The following CRAMP1 variants were observed in gnomAD, a reference collection of about 807,000 sequenced individuals.
The protein encoded by CRAMP1 is cramped chromatin regulator 1.
Under a neutral mutation model 115.4 loss-of-function variants are expected in CRAMP1, and 50 were observed. The ratio of observed to expected loss-of-function variants is 0.43; its 90% CI spans 0.35 to 0.55. The LOEUF is 0.55. Among genes scored for constraint, CRAMP1 ranks in the 20% least tolerant of loss-of-function variants. CRAMP1 has a pLI of 0.01. For synonymous variants in CRAMP1, 866 were observed against 745.4 expected (o/e 1.16, Z -2.64); for missense variants, 1,679 against 1,721.7 (o/e 0.98, Z 0.44).
At chr16:1,650,067 G>A (rs1051046619) in intron 6 of CRAMP1, among the ~76,000 whole-genome samples, 74 of 152,052 alleles carry the variant, frequency 4.9e-4, no homozygotes, top group African/African-American at 1.8e-3. Flanking sequence ...GTGCTGGGAT[G>A]ACAGGCGTGA....
chr16:1,656,362 C>G lies in CRAMP1; in HGVS notation c.1605C>G (p.Thr535=). Residue 535 remains threonine (T), a synonymous_variant, in exon 10 of 21, where the codon ACC becomes ACG. Coordinates refer to ENST00000397412, the MANE Select transcript of CRAMP1 (RefSeq NM_020825.4). This position sits in a 1 kb window ranked among gnomAD's most constrained non-coding sequence, Gnocchi z 5.6. ...KTPAEGRDSP[T]REPGALPCAC... ...CTGCAGAAGGCAGGGACAGTCCCAC[C>G]CGGGAGCCAGGGGCCTTGCCGTGTG... The G allele has an allele frequency of 6.2e-7, 1 of 1,603,172 alleles. No individual in the cohort carries two copies.
intron 5 of CRAMP1, among the ~76,000 whole-genome samples, chr16:1,639,935 A>C (rs1175867534): frequency 6.6e-6 from 1 of 152,186 alleles, no homozygotes; most frequent in African/African-American, 2.4e-5. Context: ...GATGAAAATA[A>C]ATGACTTGAT....
chr16:1,643,044 T>C (rs983044775), intron 6 of CRAMP1, among the ~76,000 whole-genome samples: 3 of 151,912 alleles, frequency 2.0e-5, no homozygotes, highest in African/African-American at 7.3e-5. Context: ...GGTAGTAGCT[T>C]TGTGGAGGTC....
At chr16:1,673,785 G>A in intron 20 of CRAMP1, 96 bp from the exon 21 acceptor site, 1 of 1,152,396 alleles carries the variant, frequency 8.7e-7, no homozygotes, top group Non-Finnish European at 1.3e-6. Context: ...TGCAGCGGGA[G>A]TCGATAGGAG....
At chr16:1,635,225 C>T (rs931519996) in intron 4 of CRAMP1, among the ~76,000 whole-genome samples, 7 of 151,906 alleles carry the variant, frequency 4.6e-5, no homozygotes, top group Non-Finnish European at 8.8e-5. Flanking sequence ...AAGAGCACAC[C>T]GTGTGCACTT....
At chr16:1,657,791 C>G (rs1306622931) in intron 10 of CRAMP1, among the ~76,000 whole-genome samples, 1 of 152,174 alleles carries the variant, frequency 6.6e-6, no homozygotes, top group East Asian at 1.9e-4. Context: ...TCTCTGGGTG[C>G]AAGAGAGCAA....
At position 1,671,324 on chromosome 16, in the gene CRAMP1, A is replaced by G. The variant is rs2036920273; in HGVS notation, c.3645+515A>G. 6.6e-6 allele frequency among the ~76,000 whole-genome samples: 1 copy of G among 152,128 alleles called. No homozygotes were observed. The highest frequency in any genetic ancestry group is 1.5e-5 in the Non-Finnish European group (1 of 68,006). ...CTCATGCTTCTCCCACGCCCAGGGTAGTGATAGGAGGAGTCACTGGGGCAG... is the reference window on the plus strand; with the variant it reads ...CTCATGCTTCTCCCACGCCCAGGGTGGTGATAGGAGGAGTCACTGGGGCAG... On this transcript the variant is annotated intron_variant, in intron 20 of 20. Coordinates refer to ENST00000397412, the MANE Select transcript of CRAMP1 (RefSeq NM_020825.4). The surrounding 1 kb of genome is among the most constrained non-coding windows in gnomAD (Gnocchi z 5.0).
chr16:1,661,291 C>T (rs1379683781), intron 11 of CRAMP1, among the ~76,000 whole-genome samples: 2 of 152,184 alleles, frequency 1.3e-5, no homozygotes, highest in African/African-American at 4.8e-5. Context: ...CACTGCACTC[C>T]AGCCTGGGTG....
In CRAMP1 at chr16:1,626,235, C is replaced by T. The variant is rs753693084; in HGVS notation, c.540+69C>T. On this transcript the variant is annotated intron_variant, in intron 3 of 20. Coordinates refer to ENST00000397412, the MANE Select transcript of CRAMP1 (RefSeq NM_020825.4). ...TCTCGGATCCCTGCCCTCCGTTCCC[C>T]GTGCTTCCTCTTTGCTGTTAGATTC... 58 of 1,347,402 alleles carry T rather than the reference C, an allele frequency of 4.3e-5. 1 individual carries two copies. The highest frequency in any genetic ancestry group is 2.4e-4 in the Admixed American group (8 of 33,894). The allele number at this position is 1,347,402 out of a possible 1,614,324, so 83.5% of individuals were successfully genotyped here. A position where few individuals can be genotyped will look rare whatever the true frequency, so the allele number is the denominator to read the frequency against.
At position 1,668,132 on chromosome 16, in the gene CRAMP1, C is replaced by T. The variant is rs1408059067; in HGVS notation, c.3273C>T (p.Gly1091=). Residue 1091 remains glycine, a synonymous_variant, in exon 18 of 21, where the codon GGC becomes GGT. Transcript: ENST00000397412. ...PGPPEDALSQ[G]EPATHISDSI... is the part of the protein sequence containing the mutation. ...CACCTGAGGATGCGCTGTCACAGGG[C>T]GAGCCTGCCACACACATTAGCGACT... 1.9e-6 allele frequency: 3 copies of T among 1,613,564 alleles called. No homozygotes were observed. The highest frequency in any genetic ancestry group is 1.1e-5 in the South Asian group (1 of 91,080).
At chr16:1,632,531 C>CT (rs1369737191) in intron 4 of CRAMP1, among the ~76,000 whole-genome samples, 166 bp downstream of exon 4, 1 of 152,276 alleles carries the variant, frequency 6.6e-6, no homozygotes, top group Non-Finnish European at 1.5e-5. Flanking sequence ...TGTGTGCTGT[C>CT]TAACTCGGTC....
chr16:1,664,016 A>C (rs560877227), intron 13 of CRAMP1, among the ~76,000 whole-genome samples: 1 of 152,318 alleles, frequency 6.6e-6, no homozygotes, highest in Non-Finnish European at 1.5e-5. Flanking sequence ...CTTTGGAGTG[A>C]AAGCTCCCGC....
intron 20 of CRAMP1, among the ~76,000 whole-genome samples, chr16:1,673,179 C>T (rs1323791119): frequency 6.6e-6 from 1 of 152,000 alleles, no homozygotes; most frequent in African/African-American, 2.4e-5. Context: ...ACGTGTCCCC[C>T]ACCTGTCCTC....
chr16:1,614,743 G>A lies in CRAMP1; in HGVS notation c.104G>A (p.Gly35Asp). The A allele has an allele frequency of 7.3e-6, 10 of 1,369,516 alleles. No homozygotes were observed. The highest frequency in any genetic ancestry group is 9.5e-6 in the Non-Finnish European group (10 of 1,049,302). 84.8% of individuals were successfully genotyped at this position (1,369,516 alleles called of 1,614,324 possible). A position where few individuals can be genotyped will look rare whatever the true frequency, so the allele number is the denominator to read the frequency against. Reference protein sequence around the residue: ...EESLEGEGAGGADAAEESSGT... With the variant: ...EESLEGEGAGDADAAEESSGT... ...TCCCTGGAAGGAGAAGGGGCCGGCG[G>A]CGCAGACGCGGCCGAGGAGAGCAGC... The change falls in exon 2 of 21, where the codon GGC (glycine) becomes GAC (aspartate). Residue 35 changes from glycine (G) to aspartate (D), a missense_variant. By Grantham distance (94) the Gly-to-Asp change is moderately conservative (BLOSUM62 -1). Around this residue, in one of 8 missense-constraint regions of CRAMP1, gnomAD observed 264 missense variants for 229.7 expected, o/e 1.15. Coordinates refer to ENST00000397412, the MANE Select transcript of CRAMP1 (RefSeq NM_020825.4). The surrounding 1 kb of genome is among the most constrained non-coding windows in gnomAD (Gnocchi z 4.4).
intron 10 of CRAMP1, among the ~76,000 whole-genome samples, chr16:1,658,752 G>C (rs2036797993): frequency 6.6e-6 from 1 of 152,230 alleles, no homozygotes; most frequent in Non-Finnish European, 1.5e-5. Flanking sequence ...GGTGGGAGGG[G>C]TCCTGGGGAA....
chr16:1,620,631 C>G (rs752771272), intron 2 of CRAMP1: 6 of 456,946 alleles, frequency 1.3e-5, no homozygotes, highest in South Asian at 6.2e-5. Context: ...TGACCTCTCA[C>G]GTCCAGACAG....
At chr16:1,667,192 A>G (rs2036883199) in intron 16 of CRAMP1, 143 bp from the exon 17 acceptor site, 1 of 661,470 alleles carries the variant, frequency 1.5e-6, no homozygotes, top group Non-Finnish European at 2.7e-6. Flanking sequence ...TCTCGACCTT[A>G]GACCCCTGTC....
chr16:1,673,462 G>A (rs1414352171), intron 20 of CRAMP1, among the ~76,000 whole-genome samples: 3 of 152,138 alleles, frequency 2.0e-5, no homozygotes, highest in South Asian at 2.1e-4. Flanking sequence ...CCCACCTCCC[G>A]CTCAGGTCCC....
At chr16:1,646,191 A>G (rs1257625880) in intron 6 of CRAMP1, among the ~76,000 whole-genome samples, 3 of 152,074 alleles carry the variant, frequency 2.0e-5, no homozygotes, top group Non-Finnish European at 4.4e-5. Flanking sequence ...ACCCAGGGCT[A>G]TTTGCAGTGT....
Sources: gnomAD v4.1 joint callset for allele counts (sites outside exome capture counted in the v4.1 genomes callset) on GRCh38, gnomAD v4.1.1 for gene constraint, gnomAD v4.1.1 regional missense constraint, Gnocchi (gnomAD v3.1) non-coding constraint, MANE v1.5 for transcripts, NCBI Gene and HGNC (gene_info 2026-07-23, HGNC 2026-07-21) for gene names.